MEF2D: variants seen among roughly 807,000 people sequenced by gnomAD.
The protein encoded by MEF2D is myocyte-specific enhancer factor 2D.
Under a neutral mutation model 59.3 loss-of-function variants are expected in MEF2D, and 10 were observed. The ratio of observed to expected loss-of-function variants is 0.17; its 90% CI spans 0.10 to 0.29. MEF2D has a LOEUF of 0.29. Among genes scored for constraint, MEF2D ranks in the 10% least tolerant of loss-of-function variants. MEF2D has a pLI of 1.00. For missense variants in MEF2D, 508 were observed against 699.4 expected (o/e 0.73, Z 3.09); for synonymous variants, 305 against 295.0 (o/e 1.03, Z -0.35).
chr1:156,477,247 A>G (rs781366798), intron 6 of MEF2D, 45 bp from the exon 7 acceptor site: 12 of 1,517,602 alleles, frequency 7.9e-6, no homozygotes, highest in Non-Finnish European at 1.1e-5. Flanking sequence ...ACATGGGCCT[A>G]TCCTTCAGCC....
At chr1:156,478,678 G>A (rs3790452) in intron 6 of MEF2D, among the ~76,000 whole-genome samples, 1 of 152,078 alleles carries the variant, frequency 6.6e-6, no homozygotes, top group African/African-American at 2.4e-5. Flanking sequence ...CTACAGGCAT[G>A]AGCCACCACA....
rs895853374 is a variant in MEF2D, at chr1:156,494,138, C to G, written c.-139+6348G>C. On this transcript the variant is annotated intron_variant, in intron 1 of 11. Coordinates refer to ENST00000348159, the MANE Select transcript of MEF2D (RefSeq NM_005920.4). ...ATCATCCCTCACCAAAAGCACAATA[C>G]ACACATGCTTTAAAGGGAAAATCTC... Among the ~76,000 whole-genome samples, 6 of 152,138 alleles carry G rather than the reference C, an allele frequency of 3.9e-5. No individual in the cohort carries two copies. In the East Asian group the frequency reaches 1.2e-3, roughly 29 times the overall value.
intron 1 of MEF2D, among the ~76,000 whole-genome samples, chr1:156,487,406 C>T (rs1213057538): frequency 6.6e-6 from 1 of 152,392 alleles, no homozygotes; most frequent in Admixed American, 6.5e-5. Context: ...TGTGCCAACA[C>T]TGCCAGAGGA....
chr1:156,478,466 C>T (rs1671760836), intron 6 of MEF2D, among the ~76,000 whole-genome samples: 1 of 152,182 alleles, frequency 6.6e-6, no homozygotes, highest in African/African-American at 2.4e-5. Context: ...CCCAGCCAGA[C>T]AATGGCACAG....
Position 156,468,533 on chromosome 1 carries a change from C to T in MEF2D, c.1248-234G>A, listed in dbSNP as rs150858307. On this transcript the variant is annotated intron_variant, in intron 10 of 11. Transcript: ENST00000348159. The surrounding 1 kb of genome is among the most constrained non-coding windows in gnomAD (Gnocchi z 4.3). ...TCTTTCCATCCCATGTCATCTTCTG[C>T]AACACAGGGCCCCCCACCTCCCACC... Among the ~76,000 whole-genome samples the T allele has an allele frequency of 2.6e-4, 39 of 152,242 alleles. No individual in the cohort carries two copies. The highest frequency in any genetic ancestry group is 3.4e-3 in the Middle Eastern group (1 of 294).
At chr1:156,469,916 A>G (rs772851688) in intron 9 of MEF2D, among the ~76,000 whole-genome samples, 4 of 152,154 alleles carry the variant, frequency 2.6e-5, no homozygotes, top group Non-Finnish European at 4.4e-5. Context: ...CACTTTCATA[A>G]CAATTTAAAA....
At chr1:156,483,111 C>T in intron 2 of MEF2D, 128 bp downstream of exon 2, 1 of 997,274 alleles carries the variant, frequency 1.0e-6, no homozygotes. Context: ...CCCAATCTCC[C>T]TTCCCCTTCT....
At chr1:156,471,946 GGCCCAGGGGCAGAAACT>G (rs1413366039) in intron 9 of MEF2D, among the ~76,000 whole-genome samples, 2 of 152,310 alleles carry the variant, frequency 1.3e-5, no homozygotes, top group Admixed American at 1.3e-4. Context: ...CTCCAAGGGC[GGCCCAGGGGCAGAAACT>G]GCTTTCATGC....
chr1:156,499,599 A>C (rs1673356920), intron 1 of MEF2D: 1 of 151,990 alleles, frequency 6.6e-6, no homozygotes, highest in Admixed American at 6.6e-5. Flanking sequence ...GGGGGACTAA[A>C]AGCATTTTGG....
intron 1 of MEF2D, among the ~76,000 whole-genome samples, chr1:156,488,159 G>A (rs1672495665): frequency 6.6e-6 from 1 of 152,270 alleles, no homozygotes; most frequent in South Asian, 2.1e-4. Context: ...GGGGCGGAGT[G>A]AACCTTGTGG....
At chr1:156,488,625 A>G (rs1056101126) in intron 1 of MEF2D, among the ~76,000 whole-genome samples, 11 of 152,176 alleles carry the variant, frequency 7.2e-5, no homozygotes, top group African/African-American at 2.4e-4. Context: ...ACCGTAAAGG[A>G]GGACTGGTTT....
rs547816176 is a variant in MEF2D, at chr1:156,490,021, C to A, written c.-138-6591G>T. On this transcript the variant is annotated intron_variant, in intron 1 of 11. Transcript: ENST00000348159. ...GGGCAGGAAGGTGAAGCCGGTGATG[C>A]CCCCAAACACCCAGGCAAGATGGTC... 3.9e-5 allele frequency among the ~76,000 whole-genome samples: 6 copies of A among 152,290 alleles called. No homozygotes were observed. The South Asian group carries it at 1.2e-3, about 32-fold the overall frequency.
chr1:156,499,062 G>T (rs977676107), intron 1 of MEF2D, among the ~76,000 whole-genome samples: 1 of 152,192 alleles, frequency 6.6e-6, no homozygotes, highest in African/African-American at 2.4e-5. Flanking sequence ...TCCTGTTGGG[G>T]TTGGGAGAGG....
chr1:156,469,123 A>G, intron 9 of MEF2D, 103 bp from the exon 10 acceptor site: 1 of 1,435,588 alleles, frequency 7.0e-7, no homozygotes, highest in Non-Finnish European at 9.3e-7. Flanking sequence ...GGGGACAGGG[A>G]GTGTGTAATG....
intron 9 of MEF2D, among the ~76,000 whole-genome samples, chr1:156,473,090 T>C (rs1671339656): frequency 6.6e-6 from 1 of 151,814 alleles, no homozygotes; most frequent in Admixed American, 6.6e-5. Context: ...CAATCTCGGC[T>C]CATGGCAACC....
chr1:156,498,868 C>A (rs1673303955), intron 1 of MEF2D, among the ~76,000 whole-genome samples: 1 of 152,162 alleles, frequency 6.6e-6, no homozygotes, highest in African/African-American at 2.4e-5. Flanking sequence ...TCCTACCCCA[C>A]CCCCATCTCC....
chr1:156,480,941 C>T lies in MEF2D; in HGVS notation c.289G>A (p.Asp97Asn), dbSNP rs1433613323. The change falls in exon 4 of 12, where the codon GAC (aspartate) becomes AAC (asparagine). Residue 97 changes from aspartate (D) to asparagine (N), a missense_variant. Asp to Asn is a conservative substitution (Grantham distance 23). Coordinates refer to ENST00000348159, the MANE Select transcript of MEF2D (RefSeq NM_005920.4). ...TCCTCCCCGTCGGGCTCGGGGCTGT[C>T]GCAGCCGTTGAAGCCCTTCTTCCTC... ...TLRKKGFNGCDSPEPDGEDSL... is the reference protein window; with the variant it reads ...TLRKKGFNGCNSPEPDGEDSL... 7.4e-6 allele frequency: 12 copies of T among 1,612,078 alleles called. No homozygotes were observed. The highest frequency in any genetic ancestry group is 8.5e-6 in the Non-Finnish European group (10 of 1,179,928).
intron 4 of MEF2D, among the ~76,000 whole-genome samples, chr1:156,480,238 G>A (rs1571239958): frequency 6.6e-6 from 1 of 151,540 alleles, no homozygotes. Flanking sequence ...GCTGCAGAGA[G>A]AGCTCACCCC....
intron 6 of MEF2D, among the ~76,000 whole-genome samples, chr1:156,479,029 C>T (rs557583011): frequency 3.3e-4 from 51 of 152,340 alleles, no homozygotes; most frequent in Middle Eastern, 6.8e-3. Flanking sequence ...CTTGGGTCTT[C>T]CCTTCCAACT....
Sources: allele counts gnomAD v4.1 joint callset (sites outside exome capture counted in the v4.1 genomes callset), GRCh38; gene constraint gnomAD v4.1.1; non-coding constraint Gnocchi (gnomAD v3.1); transcripts MANE v1.5; gene names NCBI Gene and HGNC (gene_info 2026-07-23, HGNC 2026-07-21).